The following CLASP2 variants were observed in gnomAD, a reference collection of about 807,000 sequenced individuals.
CLASP2 encodes the protein CLIP-associating protein 2.
In CLASP2, 47 loss-of-function variants were observed where a neutral mutation model predicts 194.4. The observed-to-expected ratio is 0.24, with a 90% CI of 0.19 to 0.31. The LOEUF is 0.31. Among genes scored for constraint, CLASP2 ranks in the 10% least tolerant of loss-of-function variants. The pLI is 1.00. For synonymous variants in CLASP2, 619 were observed against 633.5 expected, an observed-to-expected ratio of 0.98 and a Z score of 0.34; for missense variants, 1,445 against 1,823.6, an observed-to-expected ratio of 0.79 and a Z score of 3.78.
At chr3:33,690,441 A>G (rs942493882) in intron 2 of CLASP2, among the ~76,000 whole-genome samples, 1 of 152,212 alleles carries the variant, frequency 6.6e-6, no homozygotes, top group African/African-American at 2.4e-5. Flanking sequence ...AATAATACAC[A>G]TAAACAACTC....
chr3:33,595,782 G>A (rs1267366926), intron 19 of CLASP2, among the ~76,000 whole-genome samples: 2 of 151,842 alleles, frequency 1.3e-5, no homozygotes, highest in Non-Finnish European at 2.9e-5. Context: ...TGTCTAAGGG[G>A]TTTGATACAT....
intron 28 of CLASP2, among the ~76,000 whole-genome samples, 173 bp downstream of exon 28, chr3:33,560,635 G>A (rs1237515068): frequency 6.6e-6 from 1 of 152,076 alleles, no homozygotes; most frequent in Non-Finnish European, 1.5e-5. Flanking sequence ...CTTGACCTAG[G>A]GAAAAATGTT....
At chr3:33,653,639 C>A (rs1192867378) in intron 7 of CLASP2, among the ~76,000 whole-genome samples, 2 of 152,106 alleles carry the variant, frequency 1.3e-5, no homozygotes, top group African/African-American at 4.8e-5. Flanking sequence ...CTAAAAGACA[C>A]TTTATTTGAT....
chr3:33,501,644 C>A lies in CLASP2; in HGVS notation c.4434+8G>T, dbSNP rs771373712. The A allele has an allele frequency of 5.8e-6, 9 of 1,552,420 alleles. No homozygotes were observed. Among genetic ancestry groups the A allele is most frequent in the Non-Finnish European group, 8.0e-6 (9 of 1,123,966 alleles). ...CCACCATCTCTAAAACACAGCAGCA[C>A]TACTTACTTTACTGCCAGTAAGTTG... is the stretch of plus-strand genomic sequence containing the variant. On this transcript the variant is annotated splice_region_variant and intron_variant, in intron 38 of 38. Coordinates refer to ENST00000682230, the MANE Select transcript of CLASP2 (RefSeq NM_001365631.1).
intron 37 of CLASP2, among the ~76,000 whole-genome samples, chr3:33,508,913 T>A (rs2154084832): frequency 6.6e-6 from 1 of 152,336 alleles, no homozygotes; most frequent in South Asian, 2.1e-4. Flanking sequence ...AATAGTTTCC[T>A]TGCTTTCAGT....
chr3:33,623,802 T>C (rs897036169), intron 10 of CLASP2, among the ~76,000 whole-genome samples: 4 of 152,216 alleles, frequency 2.6e-5, no homozygotes, highest in Admixed American at 1.3e-4. Flanking sequence ...AGCAGTGGGA[T>C]TGCTGGATCA....
Position 33,607,386 on chromosome 3 carries a change from T to C in CLASP2, c.1524A>G (p.Arg508=), listed in dbSNP as rs749697645. Residue 508 remains arginine, a splice_region_variant and synonymous_variant, in exon 15 of 39, where the codon AGA becomes AGG. Coordinates refer to ENST00000682230, the MANE Select transcript of CLASP2 (RefSeq NM_001365631.1). ...AAAACTATACTACACTGACTTACTT[T>C]CTTGCCTCCACTCTGGCCTCAGCGT... ...DADAEARVEA[R]KTYMGLRNHF... is the part of the protein sequence containing the mutation. 1.7e-5 allele frequency: 27 copies of C among 1,603,666 alleles called. No individual in the cohort carries two copies. The highest frequency in any genetic ancestry group is 2.2e-5 in the Non-Finnish European group (26 of 1,175,372).
chr3:33,632,018 C>G (rs2154293546), intron 9 of CLASP2, among the ~76,000 whole-genome samples: 1 of 152,264 alleles, frequency 6.6e-6, no homozygotes, highest in East Asian at 1.9e-4. Flanking sequence ...ATCAACTAAT[C>G]TAATTCTCTG....
intron 18 of CLASP2, among the ~76,000 whole-genome samples, chr3:33,600,253 T>C (rs1025736882): frequency 2.0e-5 from 3 of 152,116 alleles, no homozygotes; most frequent in African/African-American, 7.2e-5. Flanking sequence ...TTCAAGGTAA[T>C]GTTAAATAGG....
intron 7 of CLASP2, among the ~76,000 whole-genome samples, chr3:33,652,318 G>A (rs983163975): frequency 3.9e-5 from 6 of 152,172 alleles, no homozygotes; most frequent in African/African-American, 1.4e-4. Context: ...ATCCAGCAGT[G>A]ACTATGGTTA....
chr3:33,705,438 T>G (rs1403989118), intron 1 of CLASP2, among the ~76,000 whole-genome samples: 2 of 152,160 alleles, frequency 1.3e-5, no homozygotes, highest in Non-Finnish European at 1.5e-5. Flanking sequence ...AGAGTTCTTT[T>G]GGAGGTGATG....
intron 6 of CLASP2, among the ~76,000 whole-genome samples, chr3:33,678,836 G>A (rs1292798045): frequency 6.6e-6 from 1 of 152,210 alleles, no homozygotes; most frequent in African/African-American, 2.4e-5. Context: ...CAAGATGTCA[G>A]TTCTTCCCAA....
chr3:33,568,799 T>C (rs1301256162), intron 26 of CLASP2, among the ~76,000 whole-genome samples: 2 of 152,004 alleles, frequency 1.3e-5, no homozygotes, highest in African/African-American at 4.8e-5. Flanking sequence ...AGAAAGAAGA[T>C]ATCAAAAAAA....
At chr3:33,617,569 C>T (rs1328570738) in intron 12 of CLASP2, among the ~76,000 whole-genome samples, 2 of 151,958 alleles carry the variant, frequency 1.3e-5, no homozygotes, top group African/African-American at 2.4e-5. Context: ...GAACAAGTCT[C>T]AATACATAAA....
At chr3:33,548,452 C>T (rs1228662963) in intron 30 of CLASP2, among the ~76,000 whole-genome samples, 2 of 152,012 alleles carry the variant, frequency 1.3e-5, no homozygotes, top group Non-Finnish European at 2.9e-5. Flanking sequence ...TGCGTGCCAC[C>T]ACACTCAGCT....
chr3:33,598,952 A>AGG (rs1308980152), intron 18 of CLASP2, among the ~76,000 whole-genome samples: 9 of 152,302 alleles, frequency 5.9e-5, no homozygotes, highest in African/African-American at 1.9e-4. Context: ...CCTGCTGCCA[A>AGG]AAAATTCAGT....
rs2046082334 is a variant in CLASP2, at chr3:33,498,526, A to G, written c.*105T>C. On this transcript the variant is annotated 3_prime_UTR_variant, in exon 39 of 39. Transcript: ENST00000682230. ...CGAAACAAAAAACTAAAACTGGGAA[A>G]CAATAGTAAGTTCCAAAGGATGTGT... The G allele has an allele frequency of 1.5e-6, 1 of 685,106 alleles. No homozygotes were observed. The highest frequency in any genetic ancestry group is 2.5e-6 in the Non-Finnish European group (1 of 402,726). The allele number at this position is 685,106 out of a possible 1,614,324, so 42.4% of individuals were successfully genotyped here. A position where few individuals can be genotyped will look rare whatever the true frequency, so the allele number is the denominator to read the frequency against.
At chr3:33,683,617 C>T (rs2090162406) in intron 6 of CLASP2, 1 of 152,004 alleles carries the variant, frequency 6.6e-6, no homozygotes, top group Non-Finnish European at 1.5e-5. Context: ...CAAAAACAAA[C>T]AAAACAAAAA....
rs1022576064 is a variant in CLASP2 at position 33,595,507 on chromosome 3, C to T, written c.1949-539G>A. Among the ~76,000 whole-genome samples, 13 of 152,162 alleles carry T rather than the reference C, an allele frequency of 8.5e-5. No individual in the cohort carries two copies. In the East Asian group the frequency reaches 9.6e-4, roughly 11 times the overall value. On this transcript the variant is annotated intron_variant, in intron 19 of 38. Transcript: ENST00000682230. ...TCCAATTCATTAGCTATTTATTCAA[C>T]ATTTATGTGCATTCCTTAAGATGTC...
Sources: allele counts gnomAD v4.1 joint callset (sites outside exome capture counted in the v4.1 genomes callset), GRCh38; gene constraint gnomAD v4.1.1; transcripts MANE v1.5; gene names NCBI Gene and HGNC (gene_info 2026-07-23, HGNC 2026-07-21).